Variants in ABCD3 observed in about 807,000 individuals in gnomAD.
ABCD3 encodes ATP-binding cassette sub-family D member 3.
In ABCD3, 41 loss-of-function variants were observed where a neutral mutation model predicts 105.5. That is an observed-to-expected ratio of 0.39 (90% CI 0.30 to 0.50). ABCD3 has a LOEUF of 0.50. ABCD3 is among the 20% of genes least tolerant of loss of function. The pLI is 0.84. For synonymous variants in ABCD3, 258 were observed against 269.0 expected, an observed-to-expected ratio of 0.96 and a Z score of 0.40; for missense variants, 622 against 806.3, an observed-to-expected ratio of 0.77 and a Z score of 2.77.
the ABCD3 span, among the ~76,000 whole-genome samples, chr1:94,395,896 A>T: frequency 6.6e-6 from 1 of 151,998 alleles, no homozygotes; most frequent in Non-Finnish European, 1.5e-5. Context: ...AGAGAGACAC[A>T]CACACACATA....
chr1:94,512,903 G>A (rs1650751280), intron 21 of ABCD3, among the ~76,000 whole-genome samples: 1 of 151,964 alleles, frequency 6.6e-6, no homozygotes, highest in Non-Finnish European at 1.5e-5. Flanking sequence ...AATAAAAAAG[G>A]TCATATTGAG....
the ABCD3 span, among the ~76,000 whole-genome samples, chr1:94,411,287 A>G: frequency 2.6e-5 from 4 of 152,200 alleles, no homozygotes; most frequent in Non-Finnish European, 5.9e-5. Flanking sequence ...TCAACAACAA[A>G]GAGACAATCA....
intron 1 of ABCD3, among the ~76,000 whole-genome samples, chr1:94,436,688 G>A (rs374560246): frequency 1.6e-4 from 24 of 152,208 alleles, no homozygotes; most frequent in Admixed American, 3.3e-4. Context: ...GGTAATTCTC[G>A]TGATATTTCA....
chr1:94,472,117 GTTGTAGTGAT>G (rs1468571362), intron 4 of ABCD3: 4 of 505,978 alleles, frequency 7.9e-6, no homozygotes, highest in Admixed American at 1.3e-4. Context: ...ACATTTGGAA[GTTGTAGTGAT>G]TAGGGCTATT....
At chr1:94,516,358 T>C (rs2101075839) in intron 22 of ABCD3, among the ~76,000 whole-genome samples, 1 of 152,130 alleles carries the variant, frequency 6.6e-6, no homozygotes. Context: ...TATGGCATAT[T>C]ATAACTTGTC....
intron 1 of ABCD3, among the ~76,000 whole-genome samples, chr1:94,428,125 G>A (rs149429307): frequency 6.7e-6 from 1 of 150,152 alleles, no homozygotes; most frequent in Non-Finnish European, 1.5e-5. Context: ...AAATGGAAAA[G>A]TGTTTTTTTA....
At chr1:94,396,309 C>T in the ABCD3 span, among the ~76,000 whole-genome samples, 28 of 152,198 alleles carry the variant, frequency 1.8e-4, no homozygotes, top group African/African-American at 6.8e-4. Context: ...AGATACACCA[C>T]TATAAACAGA....
the ABCD3 span, among the ~76,000 whole-genome samples, chr1:94,396,685 A>G: frequency 6.6e-6 from 1 of 152,240 alleles, no homozygotes; most frequent in Non-Finnish European, 1.5e-5. Flanking sequence ...TTACATAAAT[A>G]TAACATTAAG....
At position 94,503,954 on chromosome 1, in the gene ABCD3, C is replaced by T. The variant is rs372744712; in HGVS notation, c.1741-2584C>T. On this transcript the variant is annotated intron_variant, in intron 20 of 22. Transcript: ENST00000370214. ...TTGAGACAAAGTCTCACTCTGTTGC[C>T]GAAGCTGGAGTACACTGGCACGATC... Among the ~76,000 whole-genome samples the T allele has an allele frequency of 2.6e-4, 38 of 144,526 alleles. No individual in the cohort carries two copies. In the South Asian group the frequency reaches 4.5e-3, roughly 17 times the overall value. The allele number at this position is 144,526 out of a possible 152,430, so 94.8% of individuals were successfully genotyped here.
Position 94,506,620 on chromosome 1 carries a change from A to G in ABCD3, c.1823A>G (p.Tyr608Cys). 3 of 1,612,644 alleles carry G rather than the reference A, an allele frequency of 1.9e-6. No homozygotes were observed. The highest frequency in any genetic ancestry group is 2.2e-5 in the East Asian group (1 of 44,798). ...GCAGTTAGTGTCGACGTGGAAGGCT[A>G]CATTTATAGTCATTGTCGAAAGGTA... ...TSAVSVDVEG[Y>C]IYSHCRKVGI... Residue 608 changes from tyrosine to cysteine, a missense_variant, in exon 21 of 23, where the codon TAC becomes TGC. Physicochemically the swap from Tyr to Cys is radical, Grantham distance 194. Coordinates refer to ENST00000370214, the MANE Select transcript of ABCD3 (RefSeq NM_002858.4).
chr1:94,475,095 A>G (rs1476132995), intron 5 of ABCD3, 48 bp from the exon 6 acceptor site: 4 of 1,167,764 alleles, frequency 3.4e-6, no homozygotes, highest in Non-Finnish European at 5.0e-6. Context: ...ATAGTTTAGT[A>G]AGCAGAAATG....
chr1:94,518,544 T>C lies in ABCD3; in HGVS notation c.*1415T>C, dbSNP rs146858011. 7.9e-5 allele frequency: 12 copies of C among 152,270 alleles called. No homozygotes were observed. In the East Asian group the frequency reaches 2.3e-3, roughly 29 times the overall value. 9.4% of individuals were successfully genotyped at this position (152,270 alleles called of 1,614,324 possible). A position where few individuals can be genotyped will look rare whatever the true frequency, so the allele number is the denominator to read the frequency against. ...GATATCCTATACAACCTTTGCTTGT[T>C]CTTTTTATTCTGGTATCTAAATACT... On this transcript the variant is annotated 3_prime_UTR_variant, in exon 23 of 23. Coordinates refer to ENST00000370214, the MANE Select transcript of ABCD3 (RefSeq NM_002858.4).
chr1:94,480,312 T>G, intron 8 of ABCD3, 152 bp from the exon 9 acceptor site: 1 of 862,204 alleles, frequency 1.2e-6, no homozygotes, highest in Non-Finnish European at 1.8e-6. Flanking sequence ...CTGTGTACTT[T>G]TTCAGAAAAA....
chr1:94,508,012 A>G (rs1182879230), intron 21 of ABCD3, among the ~76,000 whole-genome samples: 2 of 146,714 alleles, frequency 1.4e-5, no homozygotes, highest in South Asian at 2.2e-4. Context: ...CCCATTTGTC[A>G]ATTTTGGCTT....
At chr1:94,444,727 T>C (rs1429356066) in intron 1 of ABCD3, among the ~76,000 whole-genome samples, 2 of 152,244 alleles carry the variant, frequency 1.3e-5, no homozygotes, top group Non-Finnish European at 2.9e-5. Flanking sequence ...CCCTCAGTTC[T>C]GTGGGTGGCT....
chr1:94,492,553 A>G (rs767150557), intron 16 of ABCD3, among the ~76,000 whole-genome samples: 1 of 152,206 alleles, frequency 6.6e-6, no homozygotes, highest in Non-Finnish European at 1.5e-5. Flanking sequence ...GACTGGCTCC[A>G]CATATCACAG....
At chr1:94,496,584 A>G (rs1649808322) in intron 16 of ABCD3, among the ~76,000 whole-genome samples, 1 of 151,352 alleles carries the variant, frequency 6.6e-6, no homozygotes, top group Non-Finnish European at 1.5e-5. Context: ...GTAAAAGTCG[A>G]AGTTCTTTCA....
In ABCD3 at chr1:94,476,058, A is replaced by T. The variant is rs1252322920; in HGVS notation, c.627+321A>T. Among the ~76,000 whole-genome samples, 4 of 152,126 alleles carry T rather than the reference A, an allele frequency of 2.6e-5. No homozygotes were observed. In the East Asian group the frequency reaches 7.7e-4, roughly 29 times the overall value. ...TGCATCCGGCCATTGTTAGAGATTG[A>T]CTGTCAATTTATGTTTCTAACTCCA... On this transcript the variant is annotated intron_variant, in intron 7 of 22. Transcript: ENST00000370214.
At chr1:94,504,743 C>T (rs1479913275) in intron 20 of ABCD3, among the ~76,000 whole-genome samples, 1 of 152,112 alleles carries the variant, frequency 6.6e-6, no homozygotes, top group Non-Finnish European at 1.5e-5. Context: ...CCCTGATTGA[C>T]ATTTGTGAAA....
Sources: allele counts gnomAD v4.1 joint callset (sites outside exome capture counted in the v4.1 genomes callset), GRCh38; gene constraint gnomAD v4.1.1; transcripts MANE v1.5; gene names NCBI Gene and HGNC (gene_info 2026-07-23, HGNC 2026-07-21).